The following ADAMTSL1 variants were observed in gnomAD, a reference collection of about 807,000 sequenced individuals.
The protein encoded by ADAMTSL1 is ADAMTS-like protein 1.
A neutral mutation model predicts 201.8 loss-of-function variants in ADAMTSL1; 126 were observed. That is an observed-to-expected ratio of 0.62 (90% CI 0.54 to 0.72). ADAMTSL1 has a LOEUF of 0.72. ADAMTSL1 is among the 30% of genes least tolerant of loss of function. The pLI is 0.00. For missense variants in ADAMTSL1, 2,679 were observed against 2,277.8 expected, an observed-to-expected ratio of 1.18 and a Z score of -3.59; for synonymous variants, 1,121 against 903.4, an observed-to-expected ratio of 1.24 and a Z score of -4.32.
intron 1 of ADAMTSL1, among the ~76,000 whole-genome samples, chr9:17,975,726 A>T (rs1444438930): frequency 6.6e-6 from 1 of 152,016 alleles, no homozygotes; most frequent in Non-Finnish European, 1.5e-5. Context: ...TTTTAGTTTG[A>T]CATATACCCA....
intron 2 of ADAMTSL1, among the ~76,000 whole-genome samples, chr9:18,216,781 T>A (rs1830073557): frequency 6.6e-6 from 1 of 152,100 alleles, no homozygotes; most frequent in South Asian, 2.1e-4. Context: ...CATTACTACC[T>A]TTGTTCTTGT....
chr9:18,186,756 G>C (rs912855670), intron 2 of ADAMTSL1, among the ~76,000 whole-genome samples: 8 of 151,902 alleles, frequency 5.3e-5, no homozygotes, highest in Admixed American at 5.3e-4. Flanking sequence ...CCAGTCACTT[G>C]ATCTTCTTGG....
chr9:18,593,898 A>G (rs1364260077), intron 4 of ADAMTSL1, among the ~76,000 whole-genome samples: 2 of 152,128 alleles, frequency 1.3e-5, no homozygotes, highest in Non-Finnish European at 2.9e-5. Context: ...ACTGAATGAA[A>G]TGTTCTATAA....
intron 1 of ADAMTSL1, among the ~76,000 whole-genome samples, chr9:17,945,781 A>C (rs1403135917): frequency 1.5e-5 from 2 of 133,784 alleles, no homozygotes; most frequent in African/African-American, 5.7e-5. Flanking sequence ...ACACATGGAC[A>C]CAGGAGGGGG....
intron 13 of ADAMTSL1, among the ~76,000 whole-genome samples, chr9:18,689,432 A>G (rs77262396): frequency 0.024 from 3,672 of 152,270 alleles, 48 homozygotes; most frequent in Middle Eastern, 0.054. Flanking sequence ...GACAGGAAGG[A>G]AATTGTTCAT....
At chr9:18,672,071 A>ACCCCGGTAAATTAGGT (rs1829851865) in intron 9 of ADAMTSL1, among the ~76,000 whole-genome samples, 1 of 151,542 alleles carries the variant, frequency 6.6e-6, no homozygotes. Flanking sequence ...AAAGAACAGA[A>ACCCCGGTAAATTAGGT]CCCCGGTAAA....
chr9:18,027,309 G>C (rs1009200641), intron 1 of ADAMTSL1, among the ~76,000 whole-genome samples: 1 of 151,570 alleles, frequency 6.6e-6, no homozygotes, highest in African/African-American at 2.4e-5. Flanking sequence ...AATTTAGATT[G>C]TTAATTTGAG....
intron 1 of ADAMTSL1, among the ~76,000 whole-genome samples, chr9:18,006,085 C>G (rs542846695): frequency 3.3e-5 from 5 of 150,304 alleles, no homozygotes; most frequent in African/African-American, 1.2e-4. Context: ...AACCACCACT[C>G]GGGAAAAAAA....
At chr9:18,073,673 C>T (rs773319582) in intron 1 of ADAMTSL1, among the ~76,000 whole-genome samples, 6 of 152,144 alleles carry the variant, frequency 3.9e-5, no homozygotes, top group Non-Finnish European at 7.3e-5. Context: ...GATATGCATG[C>T]ATTTTTTATA....
intron 2 of ADAMTSL1, among the ~76,000 whole-genome samples, chr9:18,459,013 A>T (rs1820711973): frequency 6.6e-6 from 1 of 152,164 alleles, no homozygotes; most frequent in South Asian, 2.1e-4. Context: ...CACAGGCCTA[A>T]AATTTTCTAG....
Position 18,789,654 on chromosome 9 carries a change from G to A in ADAMTSL1, c.3678-5743G>A, listed in dbSNP as rs1014582040. The stretch of plus-strand genomic sequence containing the variant: ...GACACTGTTGATTGAAAAAGGCTTC[G>A]TAGTGGAGTTTTAACAACTAGATCA... On this transcript the variant is annotated intron_variant, in intron 19 of 28. Coordinates refer to ENST00000380548, the MANE Select transcript of ADAMTSL1 (RefSeq NM_001040272.6). Among the ~76,000 whole-genome samples, 6 of 152,264 alleles carry A rather than the reference G, an allele frequency of 3.9e-5. No individual in the cohort carries two copies. In the East Asian group the frequency reaches 7.7e-4, roughly 20 times the overall value.
intron 23 of ADAMTSL1, among the ~76,000 whole-genome samples, chr9:18,865,214 CG>C (rs767619770): frequency 3.2e-4 from 49 of 152,166 alleles, no homozygotes; most frequent in Non-Finnish European, 5.0e-4. Context: ...CAATAGGCCC[CG>C]GTGTGTGATG....
chr9:17,920,286 C>T (rs927239437), intron 1 of ADAMTSL1, among the ~76,000 whole-genome samples: 1 of 152,128 alleles, frequency 6.6e-6, no homozygotes, highest in African/African-American at 2.4e-5. Flanking sequence ...TCCTTTCACC[C>T]TTCTCTGTTG....
At chr9:18,500,154 T>C (rs1046898126) in intron 1 of ADAMTSL1, among the ~76,000 whole-genome samples, 1 of 152,240 alleles carries the variant, frequency 6.6e-6, no homozygotes, top group African/African-American at 2.4e-5. Context: ...TTCATGTGAT[T>C]ACTCAAATTG....
At chr9:18,191,057 C>G (rs1407768882) in intron 2 of ADAMTSL1, among the ~76,000 whole-genome samples, 4 of 152,148 alleles carry the variant, frequency 2.6e-5, no homozygotes, top group African/African-American at 7.2e-5. Context: ...GTAAAGGGAA[C>G]AGCAGAGGAC....
At chr9:18,242,705 T>C (rs938301119) in intron 2 of ADAMTSL1, among the ~76,000 whole-genome samples, 1 of 152,250 alleles carries the variant, frequency 6.6e-6, no homozygotes, top group East Asian at 1.9e-4. Context: ...ATCATTTTTA[T>C]ACACAAATCA....
Position 18,585,490 on chromosome 9 carries a change from A to G in ADAMTSL1, c.474+11224A>G, listed in dbSNP as rs1441373427. On this transcript the variant is annotated intron_variant, in intron 4 of 28. Coordinates refer to ENST00000380548, the MANE Select transcript of ADAMTSL1 (RefSeq NM_001040272.6). ...TCTGCCAATTCTGTGGGATAACTTT[A>G]TTTCCATTTTATAAATGAGGAAATT... is the stretch of plus-strand genomic sequence containing the variant. Among the ~76,000 whole-genome samples the G allele has an allele frequency of 1.7e-4, 26 of 152,132 alleles. 1 individual carries two copies. Among genetic ancestry groups the G allele is most frequent in the Admixed American group, 1.7e-3 (26 of 15,276 alleles).
At chr9:18,093,424 T>C (rs138841398) in intron 1 of ADAMTSL1, among the ~76,000 whole-genome samples, 1 of 152,176 alleles carries the variant, frequency 6.6e-6, no homozygotes, top group African/African-American at 2.4e-5. Context: ...TACTCTGTAG[T>C]TGAAAGTTAA....
At chr9:18,246,552 A>C (rs1426217489) in intron 2 of ADAMTSL1, among the ~76,000 whole-genome samples, 1 of 152,196 alleles carries the variant, frequency 6.6e-6, no homozygotes, top group Non-Finnish European at 1.5e-5. Context: ...GGAAGTGCCA[A>C]AAAGACTTTA....
Sources: allele counts gnomAD v4.1 joint callset (sites outside exome capture counted in the v4.1 genomes callset), GRCh38; gene constraint gnomAD v4.1.1; transcripts MANE v1.5; gene names NCBI Gene and HGNC (gene_info 2026-07-23, HGNC 2026-07-21).